The following SORCS1 variants were observed in gnomAD, a reference collection of about 807,000 sequenced individuals.
The protein encoded by SORCS1 is VPS10 domain-containing receptor SorCS1.
Under a neutral mutation model 146.1 loss-of-function variants are expected in SORCS1, and 60 were observed. The observed-to-expected ratio is 0.41, with a 90% confidence interval of 0.33 to 0.51. SORCS1 has a LOEUF of 0.51. Ranked by LOEUF, SORCS1 falls within the 20% of genes least tolerant of loss-of-function variation. SORCS1 has a pLI of 0.21. For missense variants in SORCS1, 1,352 were observed against 1,487.6 expected, an observed-to-expected ratio of 0.91 and a Z score of 1.50; for synonymous variants, 637 against 584.0, an observed-to-expected ratio of 1.09 and a Z score of -1.31.
At chr10:106,885,985 G>A (rs953837360) in intron 2 of SORCS1, among the ~76,000 whole-genome samples, 6 of 152,168 alleles carry the variant, frequency 3.9e-5, no homozygotes, top group African/African-American at 1.4e-4. Flanking sequence ...TTCTTGGCCA[G>A]GTGCAGTGGC....
chr10:106,769,873 T>G (rs2136315001), intron 4 of SORCS1, among the ~76,000 whole-genome samples: 1 of 152,216 alleles, frequency 6.6e-6, no homozygotes, highest in South Asian at 2.1e-4. Context: ...GGCGGATCAC[T>G]TGAGGCCAGG....
intron 1 of SORCS1, among the ~76,000 whole-genome samples, chr10:107,160,567 A>C (rs1969623028): frequency 6.6e-6 from 1 of 152,216 alleles, no homozygotes; most frequent in Non-Finnish European, 1.5e-5. Flanking sequence ...CAAGCAGTCC[A>C]TCATGTGCTA....
intron 2 of SORCS1, among the ~76,000 whole-genome samples, chr10:106,865,785 CTGTT>C (rs1950203628): frequency 6.6e-6 from 1 of 151,936 alleles, no homozygotes; most frequent in East Asian, 1.9e-4. Context: ...AGTGGCCAGA[CTGTT>C]TGGGAGGCCC....
chr10:106,778,314 C>A (rs1013969193), intron 3 of SORCS1, among the ~76,000 whole-genome samples: 1 of 152,064 alleles, frequency 6.6e-6, no homozygotes, highest in East Asian at 1.9e-4. Flanking sequence ...AGATGAAAAG[C>A]GCACACAAAA....
chr10:106,859,944 A>T (rs562002030), intron 2 of SORCS1, among the ~76,000 whole-genome samples: 1 of 152,186 alleles, frequency 6.6e-6, no homozygotes, highest in Non-Finnish European at 1.5e-5. Flanking sequence ...CAGTGTTGCT[A>T]GGTTGAACCG....
chr10:106,953,602 G>A (rs576265580), intron 2 of SORCS1, among the ~76,000 whole-genome samples: 58 of 152,120 alleles, frequency 3.8e-4, no homozygotes, highest in African/African-American at 1.2e-3. Context: ...GTTTCTCATT[G>A]TGTGAACATA....
chr10:106,977,415 A>G (rs1433933696), intron 1 of SORCS1, among the ~76,000 whole-genome samples: 1 of 152,048 alleles, frequency 6.6e-6, no homozygotes, highest in Non-Finnish European at 1.5e-5. Context: ...AGTTCCTTGT[A>G]GATTCTGGAT....
chr10:106,672,400 C>T (rs1021321105), intron 15 of SORCS1, among the ~76,000 whole-genome samples: 1 of 152,028 alleles, frequency 6.6e-6, no homozygotes, highest in Non-Finnish European at 1.5e-5. Flanking sequence ...TGCAAGGAGG[C>T]AAAAAGTACC....
intron 12 of SORCS1, among the ~76,000 whole-genome samples, chr10:106,678,743 C>T (rs1277903933): frequency 6.6e-6 from 1 of 152,166 alleles, no homozygotes; most frequent in African/African-American, 2.4e-5. Flanking sequence ...TCTACTTTCT[C>T]TAACATATGC....
intron 7 of SORCS1, among the ~76,000 whole-genome samples, chr10:106,707,815 C>T (rs1442095002): frequency 6.6e-6 from 1 of 152,188 alleles, no homozygotes. Flanking sequence ...CTCTCTCTCT[C>T]TCTCCTACAC....
intron 19 of SORCS1, among the ~76,000 whole-genome samples, chr10:106,628,831 G>C (rs1344430073): frequency 1.3e-5 from 2 of 152,180 alleles, no homozygotes; most frequent in African/African-American, 4.8e-5. Context: ...TAGATTGAGT[G>C]GTGCATGTGG....
intron 2 of SORCS1, among the ~76,000 whole-genome samples, chr10:106,923,300 C>G (rs1952813978): frequency 1.3e-5 from 2 of 152,160 alleles, no homozygotes; most frequent in African/African-American, 4.8e-5. Flanking sequence ...TAGTAATAAG[C>G]ATTTAATTTT....
chr10:107,104,238 T>C (rs959716695), intron 1 of SORCS1, among the ~76,000 whole-genome samples: 3 of 152,206 alleles, frequency 2.0e-5, no homozygotes, highest in Non-Finnish European at 4.4e-5. Context: ...CAGCTCAGCA[T>C]TCCTTGCTTT....
chr10:106,926,731 T>C lies in SORCS1; in HGVS notation c.626+29782A>G, dbSNP rs1436505403. On this transcript the variant is annotated intron_variant, in intron 2 of 25. Coordinates refer to ENST00000263054, the MANE Select transcript of SORCS1 (RefSeq NM_052918.5). ...AAGTAAAATAATTATTAATGGATTT[T>C]AGTAGCATTAATGGATTTTAGTAGC... 2.6e-5 allele frequency among the ~76,000 whole-genome samples: 4 copies of C among 151,966 alleles called. No individual in the cohort carries two copies. The East Asian group carries it at 7.7e-4, about 29-fold the overall frequency.
chr10:106,604,855 G>T (rs957962110), intron 23 of SORCS1, among the ~76,000 whole-genome samples: 10 of 151,926 alleles, frequency 6.6e-5, no homozygotes, highest in African/African-American at 2.4e-4. Flanking sequence ...TATATCTCCA[G>T]TGAACATTTT....
chr10:106,748,541 C>G (rs1371607716), intron 5 of SORCS1, among the ~76,000 whole-genome samples: 1 of 152,084 alleles, frequency 6.6e-6, no homozygotes, highest in African/African-American at 2.4e-5. Context: ...TTGCAACATT[C>G]ACTTATTCGT....
At chr10:106,642,213 G>A (rs1315993293) in intron 18 of SORCS1, among the ~76,000 whole-genome samples, 1 of 152,202 alleles carries the variant, frequency 6.6e-6, no homozygotes, top group African/African-American at 2.4e-5. Context: ...GACTGTAGGA[G>A]AAAGTTGAAC....
At chr10:106,640,612 T>G (rs2133671294) in intron 18 of SORCS1, among the ~76,000 whole-genome samples, 1 of 152,368 alleles carries the variant, frequency 6.6e-6, no homozygotes, top group East Asian at 1.9e-4. Context: ...CAAATCAGTT[T>G]TGTTGAGTTC....
At chr10:106,723,321 A>G (rs922501725) in intron 6 of SORCS1, among the ~76,000 whole-genome samples, 1 of 152,112 alleles carries the variant, frequency 6.6e-6, no homozygotes, top group African/African-American at 2.4e-5. Flanking sequence ...ACATACACAA[A>G]TGCACCTATG....
Sources: gnomAD v4.1 joint callset for allele counts (sites outside exome capture counted in the v4.1 genomes callset) on GRCh38, gnomAD v4.1.1 for gene constraint, MANE v1.5 for transcripts, NCBI Gene and HGNC (gene_info 2026-07-23, HGNC 2026-07-21) for gene names.